The following GALNT14 variants were observed in gnomAD, a reference collection of about 807,000 sequenced individuals.
GALNT14 encodes the protein polypeptide N-acetylgalactosaminyltransferase 14.
Under a neutral mutation model 77.5 loss-of-function variants are expected in GALNT14, and 60 were observed. That is an observed-to-expected ratio of 0.77 (90% CI 0.63 to 0.96). GALNT14 has a LOEUF of 0.96. Among genes scored for constraint, GALNT14 ranks in the 40% least tolerant of loss-of-function variants. The probability of loss-of-function intolerance (pLI) is 0.00; values close to 1 mark genes in which losing one functional copy is unlikely to be tolerated. For synonymous variants in GALNT14, 280 were observed against 281.7 expected, an observed-to-expected ratio of 0.99 and a Z score of 0.06; for missense variants, 710 against 731.0, an observed-to-expected ratio of 0.97 and a Z score of 0.33.
intron 1 of GALNT14, among the ~76,000 whole-genome samples, chr2:31,061,260 C>T (rs573796247): frequency 3.3e-5 from 5 of 152,178 alleles, no homozygotes; most frequent in Admixed American, 6.5e-5. Context: ...CAAGCAAGTT[C>T]CTGTCTCCAT....
At chr2:31,021,431 A>G (rs2216827) in intron 1 of GALNT14, among the ~76,000 whole-genome samples, 65,345 of 151,136 alleles carry the variant, frequency 0.43, 14,181 homozygotes, top group East Asian at 0.56. Flanking sequence ...CAGCCTCCCG[A>G]GTAGCTGGGA....
intron 14 of GALNT14, among the ~76,000 whole-genome samples, chr2:30,911,477 C>T (rs755730963): frequency 7.2e-5 from 11 of 152,090 alleles, no homozygotes; most frequent in Non-Finnish European, 1.5e-4. Context: ...TGTCAGCACA[C>T]GACGGGCCAG....
chr2:31,128,034 G>A (rs1317043624), intron 1 of GALNT14, among the ~76,000 whole-genome samples: 1 of 152,062 alleles, frequency 6.6e-6, no homozygotes, highest in Non-Finnish European at 1.5e-5. Context: ...TATTGTTTAG[G>A]CCATGTCACA....
chr2:31,095,087 C>T (rs1454539119), intron 1 of GALNT14, among the ~76,000 whole-genome samples: 1 of 151,978 alleles, frequency 6.6e-6, no homozygotes, highest in African/African-American at 2.4e-5. Context: ...TAAAGAGGTA[C>T]CAGAAGCAGA....
chr2:30,927,169 G>T (rs939617798), intron 11 of GALNT14, among the ~76,000 whole-genome samples: 2 of 152,164 alleles, frequency 1.3e-5, no homozygotes, highest in Non-Finnish European at 2.9e-5. Context: ...ATCACCTGGT[G>T]TGGGGTCTTT....
chr2:30,955,670 T>C lies in GALNT14; in HGVS notation c.602A>G (p.His201Arg), dbSNP rs772881413. Reference sequence around the variant, plus strand: ...GAGCCAGTCCCTGTTCACCTCACAGTGGCTGTCGAGGAAAGTCAGAGTGGT... The same window carrying C: ...GAGCCAGTCCCTGTTCACCTCACAGCGGCTGTCGAGGAAAGTCAGAGTGGT... ...QGTTLTFLDSHCEVNRDWLQP... is the reference protein window; with the variant it reads ...QGTTLTFLDSRCEVNRDWLQP... The change falls in exon 6 of 15, where the codon CAC becomes CGC. Residue 201 changes from histidine to arginine, a missense_variant. By Grantham distance (29) the His-to-Arg change is conservative (BLOSUM62 0). Coordinates refer to ENST00000349752, the MANE Select transcript of GALNT14 (RefSeq NM_024572.4). 1.2e-6 allele frequency: 2 copies of C among 1,614,204 alleles called. No individual in the cohort carries two copies. Among genetic ancestry groups the C allele is most frequent in the Non-Finnish European group, 1.7e-6 (2 of 1,180,036 alleles).
At chr2:30,895,870 T>A in the GALNT14 span, among the ~76,000 whole-genome samples, 1 of 152,234 alleles carries the variant, frequency 6.6e-6, no homozygotes, top group African/African-American at 2.4e-5. Flanking sequence ...TCTGGCATAG[T>A]ACCTGTTATA....
At chr2:30,965,502 G>T (rs1447804884) in intron 3 of GALNT14, among the ~76,000 whole-genome samples, 1 of 152,086 alleles carries the variant, frequency 6.6e-6, no homozygotes, top group Non-Finnish European at 1.5e-5. Context: ...TGGAGAATCT[G>T]GGGGAGGAAA....
chr2:31,038,444 C>T (rs534129582), intron 1 of GALNT14, among the ~76,000 whole-genome samples: 42 of 152,040 alleles, frequency 2.8e-4, no homozygotes, highest in Admixed American at 5.2e-4. Flanking sequence ...TGTATGAACT[C>T]GGTAAGCCTG....
At chr2:31,038,814 C>T (rs1349648981) in intron 1 of GALNT14, among the ~76,000 whole-genome samples, 4 of 150,888 alleles carry the variant, frequency 2.7e-5, no homozygotes, top group Non-Finnish European at 4.4e-5. Flanking sequence ...GGGGCAATCT[C>T]GGCTCACAGC....
At chr2:31,078,699 C>A (rs374008962) in intron 1 of GALNT14, among the ~76,000 whole-genome samples, 2 of 152,158 alleles carry the variant, frequency 1.3e-5, no homozygotes, top group African/African-American at 4.8e-5. Context: ...GGGGCCACAC[C>A]GCATGCTCAG....
At chr2:30,964,271 G>A (rs1328974150) in intron 3 of GALNT14, among the ~76,000 whole-genome samples, 1 of 152,304 alleles carries the variant, frequency 6.6e-6, no homozygotes, top group Non-Finnish European at 1.5e-5. Context: ...GTTGCAGTTG[G>A]TCTGCTCCAT....
intron 2 of GALNT14, among the ~76,000 whole-genome samples, chr2:30,983,835 T>C (rs1306597799): frequency 2.0e-5 from 3 of 151,850 alleles, no homozygotes; most frequent in African/African-American, 7.3e-5. Context: ...ACACTTTCTC[T>C]AACTCAGTGA....
At position 31,075,022 on chromosome 2, in the gene GALNT14, G is replaced by T. The variant is rs73921444; in HGVS notation, c.129+62936C>A. 3.3e-3 allele frequency among the ~76,000 whole-genome samples: 505 copies of T among 152,328 alleles called. 2 individuals are homozygous for T. Among genetic ancestry groups the T allele is most frequent in the African/African-American group, 0.012 (492 of 41,576 alleles). Reference sequence around the variant, plus strand: ...CAGTGTTGGAGGTGGGGCCTGGTGGGAGGTGTTCAGGTCCTGGGAGCGGAT... The same window carrying T: ...CAGTGTTGGAGGTGGGGCCTGGTGGTAGGTGTTCAGGTCCTGGGAGCGGAT... On this transcript the variant is annotated intron_variant, in intron 1 of 14. Transcript: ENST00000349752.
intron 1 of GALNT14, among the ~76,000 whole-genome samples, chr2:31,006,893 G>A (rs1227688014): frequency 6.6e-6 from 1 of 152,196 alleles, no homozygotes; most frequent in African/African-American, 2.4e-5. Flanking sequence ...CTGCTAGGGG[G>A]AGGATAGATC....
intron 4 of GALNT14, among the ~76,000 whole-genome samples, chr2:30,957,260 TA>T (rs1180371684): frequency 1.3e-5 from 2 of 152,194 alleles, no homozygotes; most frequent in African/African-American, 4.8e-5. Context: ...AAACCATATA[TA>T]CCATCTCTGT....
chr2:31,022,898 G>T lies in GALNT14; in HGVS notation c.130-29891C>A, dbSNP rs117134957. Among the ~76,000 whole-genome samples, 144 of 152,268 alleles carry T rather than the reference G, an allele frequency of 9.5e-4. 3 individuals are homozygous for T. In the East Asian group the frequency reaches 0.025, roughly 26 times the overall value. On this transcript the variant is annotated intron_variant, in intron 1 of 14. Transcript: ENST00000349752. ...TCCCCGCCTATGGGTGCCCTGCCAGGCTACTGCTATCAGCATGCGCTCTGT... is the reference window on the plus strand; with the variant it reads ...TCCCCGCCTATGGGTGCCCTGCCAGTCTACTGCTATCAGCATGCGCTCTGT...
At chr2:30,911,207 G>T in intron 14 of GALNT14, 148 bp from the exon 15 acceptor site, 2 of 642,496 alleles carry the variant, frequency 3.1e-6, no homozygotes, top group South Asian at 2.3e-5. Flanking sequence ...GCAACTAATT[G>T]CTCTACCAGG....
At chr2:30,971,205 G>C (rs1332204802) in intron 2 of GALNT14, among the ~76,000 whole-genome samples, 1 of 152,172 alleles carries the variant, frequency 6.6e-6, no homozygotes, top group Non-Finnish European at 1.5e-5. Flanking sequence ...AGATCTAAAA[G>C]ATCAATCAAA....
Sources: allele counts gnomAD v4.1 joint callset (sites outside exome capture counted in the v4.1 genomes callset), GRCh38; gene constraint gnomAD v4.1.1; transcripts MANE v1.5; gene names NCBI Gene and HGNC (gene_info 2026-07-23, HGNC 2026-07-21).